Variants in TBC1D8 observed in about 807,000 individuals in gnomAD.
The protein encoded by TBC1D8 is BUB2-like protein 1.
TBC1D8 carries 65 observed loss-of-function variants against 118.8 expected under a neutral mutation model. That is an observed-to-expected ratio of 0.55 (90% CI 0.45 to 0.67). The LOEUF is 0.67. Among genes scored for constraint, TBC1D8 ranks in the 30% least tolerant of loss-of-function variants. The pLI, the probability that TBC1D8 is intolerant of heterozygous loss-of-function variation, is 0.00. For synonymous variants in TBC1D8, 566 were observed against 595.8 expected (o/e 0.95, Z 0.73); for missense variants, 1,376 against 1,471.2 (o/e 0.94, Z 1.06).
At chr2:101,050,363 C>G in intron 5 of TBC1D8, 38 bp downstream of exon 5, 2 of 1,593,516 alleles carry the variant, frequency 1.3e-6, no homozygotes, top group Non-Finnish European at 8.6e-7. Flanking sequence ...ATGGGTCCCC[C>G]GTGCGGGTGG....
chr2:101,103,258 T>C (rs1196470807), intron 1 of TBC1D8, among the ~76,000 whole-genome samples: 1 of 140,730 alleles, frequency 7.1e-6, no homozygotes, highest in Non-Finnish European at 1.5e-5. Context: ...GAAAAAACCA[T>C]ATGATCACAT....
chr2:101,130,945 G>C (rs1307022955), intron 1 of TBC1D8, among the ~76,000 whole-genome samples: 1 of 152,204 alleles, frequency 6.6e-6, no homozygotes, highest in African/African-American at 2.4e-5. Context: ...CTGTGTTGAA[G>C]TCATTTAATT....
At position 101,054,232 on chromosome 2, in the gene TBC1D8, G is replaced by C; in HGVS notation, c.507C>G (p.Pro169=). Residue 169 remains proline (P), a synonymous_variant, in exon 4 of 20, where the codon CCC becomes CCG. Coordinates refer to ENST00000409318, the MANE Select transcript of TBC1D8 (RefSeq NM_001330348.2). ...LVKFEARFNF[P]EAEKLVTYYS... The stretch of plus-strand genomic sequence containing the variant: ...AGTAGGTGACCAGCTTCTCCGCCTC[G>C]GGGAAGTTGAACCTGGCCTCGAACT... The C allele has an allele frequency of 6.2e-7, 1 of 1,609,208 alleles. No homozygotes were observed. The highest frequency in any genetic ancestry group is 1.1e-5 in the South Asian group (1 of 89,942).
Sources: allele counts gnomAD v4.1 joint callset (sites outside exome capture counted in the v4.1 genomes callset), GRCh38; gene constraint gnomAD v4.1.1; transcripts MANE v1.5; gene names NCBI Gene and HGNC (gene_info 2026-07-23, HGNC 2026-07-21).